The following CAMTA1 variants were observed in gnomAD, a reference collection of about 807,000 sequenced individuals.
CAMTA1 encodes calmodulin-binding transcription activator 1.
A neutral mutation model predicts 170.9 loss-of-function variants in CAMTA1; 27 were observed. The observed-to-expected ratio is 0.16, with a 90% CI of 0.12 to 0.22. CAMTA1 has a LOEUF of 0.22. Among genes scored for constraint, CAMTA1 ranks in the 10% least tolerant of loss-of-function variants. CAMTA1 has a pLI of 1.00. For missense variants in CAMTA1, 1,619 were observed against 2,217.2 expected (o/e 0.73, Z 5.42); for synonymous variants, 833 against 891.5 (o/e 0.93, Z 1.17).
chr1:7,680,199 G>GCAGTGGC lies in CAMTA1; in HGVS notation c.2914+2468_2914+2474dup, dbSNP rs1156463940. ...TGAACTTTGCGTCCGGGCCAATGCT[G>GCAGTGGC]CAGTGGCCGGGCGGTGGTGAGCCTT... On this transcript the variant is annotated intron_variant, in intron 11 of 22. Coordinates refer to ENST00000303635, the MANE Select transcript of CAMTA1 (RefSeq NM_015215.4). The surrounding 1 kb of genome is among the most constrained non-coding windows in gnomAD (Gnocchi z 4.4). 4 of 282,766 alleles carry GCAGTGGC rather than the reference G, an allele frequency of 1.4e-5. No homozygotes were observed. Among genetic ancestry groups the GCAGTGGC allele is most frequent in the South Asian group, 1.0e-4 (4 of 38,330 alleles). 17.5% of individuals were successfully genotyped at this position (282,766 alleles called of 1,614,324 possible).
chr1:6,843,542 G>GTTTTATTAGTATGAGAGTAAC (rs1462933013), intron 3 of CAMTA1, among the ~76,000 whole-genome samples: 5 of 152,356 alleles, frequency 3.3e-5, no homozygotes, highest in African/African-American at 1.2e-4. Flanking sequence ...CTTGAGGATA[G>GTTTTATTAGTATGAGAGTAAC]TTTTATTAGT....
intron 5 of CAMTA1, among the ~76,000 whole-genome samples, chr1:7,417,210 CT>C (rs1389794957): frequency 6.6e-6 from 1 of 152,276 alleles, no homozygotes; most frequent in Non-Finnish European, 1.5e-5. Flanking sequence ...CCCAGTTAGG[CT>C]GCTCAGGGGT....
intron 10 of CAMTA1, among the ~76,000 whole-genome samples, chr1:7,671,724 C>A (rs1203065503): frequency 6.6e-6 from 1 of 152,224 alleles, no homozygotes; most frequent in East Asian, 1.9e-4. Flanking sequence ...ACCCTTGGGA[C>A]AGCCTCTGTG....
Position 7,466,328 on chromosome 1 carries a change from G to A in CAMTA1, c.439-1502G>A, listed in dbSNP as rs372673636. 8.5e-5 allele frequency among the ~76,000 whole-genome samples: 13 copies of A among 152,270 alleles called. No individual in the cohort carries two copies. The East Asian group carries it at 1.2e-3, about 14-fold the overall frequency. ...AAGGGAATTGTTTAAATTAATTTCC[G>A]CTTTGTATGTTTGGTTTATACAGGG... On this transcript the variant is annotated intron_variant, in intron 5 of 22. Transcript: ENST00000303635.
At chr1:7,156,615 G>A (rs1313506741) in intron 4 of CAMTA1, among the ~76,000 whole-genome samples, 2 of 152,172 alleles carry the variant, frequency 1.3e-5, no homozygotes, top group Non-Finnish European at 2.9e-5. Context: ...GAATTTTTTG[G>A]CCAGTTGCCT....
At chr1:7,412,382 A>G (rs1195484302) in intron 5 of CAMTA1, among the ~76,000 whole-genome samples, 6 of 151,568 alleles carry the variant, frequency 4.0e-5, no homozygotes. Flanking sequence ...CCAACAGTGT[A>G]AAAGTGTTCC....
At chr1:7,243,415 G>A (rs1346936297) in intron 4 of CAMTA1, among the ~76,000 whole-genome samples, 4 of 152,196 alleles carry the variant, frequency 2.6e-5, no homozygotes, top group Admixed American at 2.0e-4. Context: ...TAAGGTGTAA[G>A]GAAGGGATCC....
chr1:7,126,727 A>C (rs1418873479), intron 4 of CAMTA1, among the ~76,000 whole-genome samples: 1 of 152,150 alleles, frequency 6.6e-6, no homozygotes, highest in African/African-American at 2.4e-5. Context: ...AACCTCATGC[A>C]TCTGTCTGCC....
At chr1:7,725,668 G>A (rs940168205) in intron 11 of CAMTA1, among the ~76,000 whole-genome samples, 3 of 152,180 alleles carry the variant, frequency 2.0e-5, no homozygotes, top group Non-Finnish European at 4.4e-5. Context: ...TTAGGGCAGC[G>A]GTTCTTGAAA....
At chr1:6,999,296 A>G (rs1465678363) in intron 3 of CAMTA1, among the ~76,000 whole-genome samples, 1 of 152,202 alleles carries the variant, frequency 6.6e-6, no homozygotes, top group Non-Finnish European at 1.5e-5. Flanking sequence ...GGTAATTTAT[A>G]AAGAAAAGGG....
rs1476322443 is a variant in CAMTA1 at position 7,463,765 on chromosome 1, A to G, written c.439-4065A>G. Among the ~76,000 whole-genome samples, 1 of 152,166 alleles carries G rather than the reference A, an allele frequency of 6.6e-6. No individual in the cohort carries two copies. Among genetic ancestry groups the G allele is most frequent in the Non-Finnish European group, 1.5e-5 (1 of 68,022 alleles). On this transcript the variant is annotated intron_variant, in intron 5 of 22. Transcript: ENST00000303635. The surrounding 1 kb of genome is among the most constrained non-coding windows in gnomAD (Gnocchi z 4.7). ...GGAGGTGCCCACAACATACCAACCT[A>G]TAAGTGATGTGCTTCCTTCTTGGGC...
chr1:6,988,436 C>T (rs1230913777), intron 3 of CAMTA1, among the ~76,000 whole-genome samples: 2 of 152,108 alleles, frequency 1.3e-5, no homozygotes, highest in Non-Finnish European at 2.9e-5. Flanking sequence ...GACTTATATA[C>T]AATAAAAACC....
chr1:7,081,028 A>C (rs1639933228), intron 3 of CAMTA1, among the ~76,000 whole-genome samples: 1 of 152,224 alleles, frequency 6.6e-6, no homozygotes, highest in African/African-American at 2.4e-5. Flanking sequence ...GTGCATGGCT[A>C]CCAAAGGAAC....
chr1:7,230,794 G>T (rs1461174140), intron 4 of CAMTA1, among the ~76,000 whole-genome samples: 1 of 152,024 alleles, frequency 6.6e-6, no homozygotes, highest in African/African-American at 2.4e-5. Flanking sequence ...AGCCACGCCA[G>T]TTGGGGAGAT....
At chr1:7,263,535 G>C (rs1333081970) in intron 5 of CAMTA1, among the ~76,000 whole-genome samples, 1 of 152,196 alleles carries the variant, frequency 6.6e-6, no homozygotes, top group Non-Finnish European at 1.5e-5. Context: ...TAAATTCAGT[G>C]AATTATCCTC....
chr1:7,210,020 A>G (rs1658474312), intron 4 of CAMTA1, among the ~76,000 whole-genome samples: 1 of 152,222 alleles, frequency 6.6e-6, no homozygotes, highest in South Asian at 2.1e-4. Context: ...TAAACACTTC[A>G]ATGTGTATAT....
At chr1:7,471,683 C>T (rs1346320286) in intron 6 of CAMTA1, among the ~76,000 whole-genome samples, 3 of 152,254 alleles carry the variant, frequency 2.0e-5, no homozygotes, top group East Asian at 1.9e-4. Context: ...CTGCCCCTAC[C>T]GCCTGATGTG....
intron 11 of CAMTA1, among the ~76,000 whole-genome samples, chr1:7,730,908 A>ATCTCTCTCTCTCTC (rs34139853): frequency 6.9e-6 from 1 of 144,042 alleles, no homozygotes; most frequent in African/African-American, 2.6e-5. Context: ...CAAAGTCTCA[A>ATCTCTCTCTCTCTC]TCTCTCTCTC....
At chr1:6,824,977 G>T in intron 2 of CAMTA1, 115 bp from the exon 3 acceptor site, 1 of 572,066 alleles carries the variant, frequency 1.7e-6, no homozygotes, top group South Asian at 2.5e-5. Context: ...TGGGGCCTCT[G>T]ATGCTCTTGG....
Sources: allele counts gnomAD v4.1 joint callset (sites outside exome capture counted in the v4.1 genomes callset), GRCh38; gene constraint gnomAD v4.1.1; non-coding constraint Gnocchi (gnomAD v3.1); transcripts MANE v1.5; gene names NCBI Gene and HGNC (gene_info 2026-07-23, HGNC 2026-07-21).